The following EIF4E variants were observed in gnomAD, a reference collection of about 807,000 sequenced individuals.
The protein encoded by EIF4E is eIF-4F 25 kDa subunit.
For synonymous variants in EIF4E, 71 were observed against 88.5 expected, an observed-to-expected ratio of 0.80 and a Z score of 1.11; for missense variants, 113 against 265.6, an observed-to-expected ratio of 0.43 and a Z score of 3.99.
chr4:98,914,683 C>T (rs930279434), intron 1 of EIF4E, among the ~76,000 whole-genome samples: 4 of 151,920 alleles, frequency 2.6e-5, no homozygotes, highest in Admixed American at 6.6e-5. Context: ...TTATTCTGCA[C>T]GATATTATAA....
At chr4:98,917,528 AT>A (rs1725439432) in intron 1 of EIF4E, among the ~76,000 whole-genome samples, 1 of 152,162 alleles carries the variant, frequency 6.6e-6, no homozygotes, top group Non-Finnish European at 1.5e-5. Flanking sequence ...CCTTCATCCA[AT>A]AGTGGCAATA....
At chr4:98,924,536 G>C (rs1725789254) in intron 1 of EIF4E, among the ~76,000 whole-genome samples, 1 of 151,810 alleles carries the variant, frequency 6.6e-6, no homozygotes, top group Non-Finnish European at 1.5e-5. Context: ...ATTTCTCTAA[G>C]TCTAATAATC....
chr4:98,922,936 C>T (rs760653525), intron 1 of EIF4E, among the ~76,000 whole-genome samples: 6 of 151,644 alleles, frequency 4.0e-5, no homozygotes, highest in Non-Finnish European at 8.8e-5. Context: ...CAACCTCCAC[C>T]TCCCAGGTTC....
Position 98,887,295 on chromosome 4 carries a change from T to C in EIF4E, c.286-103A>G. 1 of 1,218,176 alleles carries C rather than the reference T, an allele frequency of 8.2e-7. No homozygotes were observed. The highest frequency in any genetic ancestry group is 1.2e-6 in the Non-Finnish European group (1 of 824,518). The allele number at this position is 1,218,176 out of a possible 1,614,324, so 75.5% of individuals were successfully genotyped here. On this transcript the variant is annotated intron_variant, in intron 4 of 6. Coordinates refer to ENST00000450253, the MANE Select transcript of EIF4E (RefSeq NM_001968.5). The surrounding 1 kb of genome is among the most constrained non-coding windows in gnomAD (Gnocchi z 4.0). The stretch of plus-strand genomic sequence containing the variant: ...CAACAACACTGTCAACTTCTTACTT[T>C]ATTGCCCATAAAACTGCCATTGATG...
intron 6 of EIF4E, among the ~76,000 whole-genome samples, chr4:98,884,104 A>C (rs1429818741): frequency 1.3e-5 from 2 of 152,050 alleles, no homozygotes; most frequent in Non-Finnish European, 2.9e-5. Context: ...ATAAAACCCT[A>C]CATATGTGGG....
intron 6 of EIF4E, among the ~76,000 whole-genome samples, chr4:98,884,226 A>T (rs1380865284): frequency 1.3e-5 from 2 of 152,178 alleles, no homozygotes; most frequent in Non-Finnish European, 2.9e-5. Context: ...TAATCACTGA[A>T]TTATTATTAT....
chr4:98,903,319 C>A (rs1724726833), intron 1 of EIF4E: 3 of 410,696 alleles, frequency 7.3e-6, no homozygotes, highest in South Asian at 3.6e-5. Flanking sequence ...TAAAAGAATG[C>A]AGAGCAGAAA....
chr4:98,924,515 G>A (rs1725788961), intron 1 of EIF4E, among the ~76,000 whole-genome samples: 1 of 151,976 alleles, frequency 6.6e-6, no homozygotes, highest in South Asian at 2.1e-4. Flanking sequence ...TAAACTGTGT[G>A]TCTACATTGA....
chr4:98,891,721 T>A (rs1458895071), intron 2 of EIF4E: 2 of 183,804 alleles, frequency 1.1e-5, no homozygotes, highest in Non-Finnish European at 2.3e-5. Context: ...TTCTGGAGAT[T>A]AGTTGCACAA....
At chr4:98,903,473 C>T (rs1375053236) in intron 1 of EIF4E, 1 of 455,670 alleles carries the variant, frequency 2.2e-6, no homozygotes, top group East Asian at 7.0e-5. Flanking sequence ...TCCACGGTAA[C>T]TGGGACTACA....
chr4:98,908,502 C>T (rs1018906570), intron 1 of EIF4E, among the ~76,000 whole-genome samples: 1 of 152,150 alleles, frequency 6.6e-6, no homozygotes, highest in Non-Finnish European at 1.5e-5. Context: ...AAGACAGCTG[C>T]AATTATTTCT....
chr4:98,923,487 A>AT (rs1725737683), intron 1 of EIF4E, among the ~76,000 whole-genome samples: 1 of 151,256 alleles, frequency 6.6e-6, no homozygotes, highest in South Asian at 2.1e-4. Flanking sequence ...TAATTTTTTA[A>AT]TTTTTTGGAG....
At chr4:98,884,533 G>T (rs1406071860) in intron 6 of EIF4E, among the ~76,000 whole-genome samples, 1 of 152,088 alleles carries the variant, frequency 6.6e-6, no homozygotes, top group South Asian at 2.1e-4. Context: ...GCAAAACCTG[G>T]TCTCTACTAA....
At chr4:98,907,571 A>G (rs1054174994) in intron 1 of EIF4E, among the ~76,000 whole-genome samples, 1 of 152,170 alleles carries the variant, frequency 6.6e-6, no homozygotes, top group Non-Finnish European at 1.5e-5. Flanking sequence ...TCACTACTAC[A>G]GTTTTCCTCT....
At chr4:98,898,550 C>G (rs1724515976) in intron 2 of EIF4E, among the ~76,000 whole-genome samples, 1 of 151,338 alleles carries the variant, frequency 6.6e-6, no homozygotes, top group African/African-American at 2.4e-5. Flanking sequence ...GGAGGTCCAG[C>G]CTGGGCGACA....
chr4:98,925,935 T>C (rs776719653), intron 1 of EIF4E: 6 of 151,368 alleles, frequency 4.0e-5, no homozygotes, highest in Non-Finnish European at 7.4e-5. Flanking sequence ...GAGGCCAAGG[T>C]GGGAGGACCA....
intron 1 of EIF4E, among the ~76,000 whole-genome samples, chr4:98,904,928 T>C (rs1579168602): frequency 6.6e-6 from 1 of 152,152 alleles, no homozygotes; most frequent in East Asian, 1.9e-4. Context: ...TTAAAACGAA[T>C]GATGTGAAAT....
intron 5 of EIF4E, chr4:98,886,393 A>G (rs532204707): frequency 2.4e-6 from 1 of 410,336 alleles, no homozygotes; most frequent in Non-Finnish European, 4.9e-6. Flanking sequence ...AGTACACAAC[A>G]ATTTTATTAT....
chr4:98,908,481 T>C (rs1009365209), intron 1 of EIF4E, among the ~76,000 whole-genome samples: 5 of 152,186 alleles, frequency 3.3e-5, no homozygotes, highest in African/African-American at 1.2e-4. Context: ...ATGTAAATGC[T>C]ACATATGGCA....
Sources: allele counts gnomAD v4.1 joint callset (sites outside exome capture counted in the v4.1 genomes callset), GRCh38; gene constraint gnomAD v4.1.1; non-coding constraint Gnocchi (gnomAD v3.1); transcripts MANE v1.5; gene names NCBI Gene and HGNC (gene_info 2026-07-23, HGNC 2026-07-21).